The following ZMYND19 variants were observed in gnomAD, a reference collection of about 807,000 sequenced individuals.
ZMYND19 encodes zinc finger MYND domain-containing protein 19.
ZMYND19 carries 17 observed loss-of-function variants against 32.0 expected under a neutral mutation model. That is an observed-to-expected ratio of 0.53 (90% CI 0.36 to 0.80). The LOEUF is 0.80. Ranked by LOEUF, ZMYND19 falls within the 30% of genes least tolerant of loss-of-function variation. The pLI is 0.00. For missense variants in ZMYND19, 250 were observed against 293.6 expected (o/e 0.85, Z 1.09); for synonymous variants, 124 against 113.6 (o/e 1.09, Z -0.58).
chr9:137,587,564 T>G, intron 3 of ZMYND19, 153 bp downstream of exon 3: 1 of 696,416 alleles, frequency 1.4e-6, no homozygotes, highest in Non-Finnish European at 2.5e-6. Flanking sequence ...ATTCGTTCCT[T>G]TGGGTTAGTG....
rs774402833 is a variant in ZMYND19, at chr9:137,582,514, GCTGT to G, written c.*25_*28del. The G allele has an allele frequency of 6.2e-7, 1 of 1,606,834 alleles. No individual in the cohort carries two copies. The highest frequency in any genetic ancestry group is 8.5e-7 in the Non-Finnish European group (1 of 1,177,646). ...GCTGTGCCCAGGGTAGAGCCCGGGG[GCTGT>G]GAGTATGTGTGGCTCCCCTGCCCGT... On this transcript the variant is annotated 3_prime_UTR_variant, in exon 6 of 6. Coordinates refer to ENST00000298585, the MANE Select transcript of ZMYND19 (RefSeq NM_138462.3).
intron 4 of ZMYND19, among the ~76,000 whole-genome samples, chr9:137,585,165 G>A (rs909206523): frequency 5.9e-5 from 9 of 152,154 alleles, no homozygotes; most frequent in Admixed American, 2.6e-4. Flanking sequence ...GCTCACGCCT[G>A]TAATCCCAGC....
At chr9:137,586,889 C>T in intron 4 of ZMYND19, 78 bp downstream of exon 4, 1 of 1,588,180 alleles carries the variant, frequency 6.3e-7, no homozygotes, top group Non-Finnish European at 8.6e-7. Context: ...AGGAGACCCT[C>T]TTGGAAACAA....
intron 3 of ZMYND19, chr9:137,587,436 C>CG (rs3215867): frequency 1.0e-4 from 61 of 590,466 alleles, no homozygotes; most frequent in South Asian, 6.6e-4. Context: ...CCATGCACAC[C>CG]GGGGGGGCTC....
intron 3 of ZMYND19, 85 bp downstream of exon 3, chr9:137,587,632 G>T: frequency 8.3e-7 from 1 of 1,204,986 alleles, no homozygotes; most frequent in Non-Finnish European, 1.2e-6. Flanking sequence ...GCTTCAGCGG[G>T]GCAGGGGGCT....
chr9:137,582,765 C>T (rs978148147), intron 5 of ZMYND19, 79 bp from the exon 6 acceptor site: 1 of 1,559,782 alleles, frequency 6.4e-7, no homozygotes, highest in Admixed American at 1.8e-5. Context: ...TACGGACAAT[C>T]TGACGGACCC....
At position 137,587,862 on chromosome 9, in the gene ZMYND19, C is replaced by G. The variant is rs1014204764; in HGVS notation, c.112-39G>C. ...AGGGAAAGAGCTGTTAAAAAACCTC[C>G]AATTCTCAGCAACACTTCAATTCCC... On this transcript the variant is annotated intron_variant, in intron 2 of 5. Coordinates refer to ENST00000298585, the MANE Select transcript of ZMYND19 (RefSeq NM_138462.3). The G allele has an allele frequency of 2.5e-6, 4 of 1,577,156 alleles. No homozygotes were observed. The East Asian group carries it at 8.9e-5, about 35-fold the overall frequency.
chr9:137,585,109 C>T (rs1252034231), intron 4 of ZMYND19, among the ~76,000 whole-genome samples: 5 of 151,756 alleles, frequency 3.3e-5, no homozygotes, highest in East Asian at 3.9e-4. Flanking sequence ...GGTGCACACC[C>T]GTAATCCCAG....
chr9:137,590,501 A>T lies in ZMYND19; in HGVS notation c.-238T>A, dbSNP rs1019344488. On this transcript the variant is annotated 5_prime_UTR_variant, in exon 1 of 6. Transcript: ENST00000298585. This position sits in a 1 kb window ranked among gnomAD's most constrained non-coding sequence, Gnocchi z 4.2. ...CCGCCACCGCCACCGCGCGCACCAC[A>T]GCGAGCGGAGCGGAGGGGCGGGGCG... is the stretch of plus-strand genomic sequence containing the variant. 6.6e-6 allele frequency: 1 copy of T among 150,806 alleles called. No individual in the cohort carries two copies. Among genetic ancestry groups the T allele is most frequent in the Non-Finnish European group, 1.5e-5 (1 of 68,962 alleles). 9.3% of individuals were successfully genotyped at this position (150,806 alleles called of 1,614,324 possible).
intron 1 of ZMYND19, 172 bp from the exon 2 acceptor site, chr9:137,588,890 T>C: frequency 1.5e-6 from 1 of 676,000 alleles, no homozygotes; most frequent in East Asian, 2.7e-5. Flanking sequence ...TTCCACCGTT[T>C]GGGGTGGTGC....
intron 4 of ZMYND19, among the ~76,000 whole-genome samples, chr9:137,584,818 T>C (rs1423731667): frequency 6.6e-6 from 1 of 152,190 alleles, no homozygotes; most frequent in Non-Finnish European, 1.5e-5. Flanking sequence ...TGCTAGGTAG[T>C]GCCCATGCCG....
chr9:137,584,827 C>T (rs538976281), intron 4 of ZMYND19, among the ~76,000 whole-genome samples: 2 of 152,300 alleles, frequency 1.3e-5, no homozygotes, highest in South Asian at 2.1e-4. Context: ...GTGCCCATGC[C>T]GCCTCCCAGA....
chr9:137,587,661 C>A, intron 3 of ZMYND19, 56 bp downstream of exon 3: 1 of 1,528,252 alleles, frequency 6.5e-7, no homozygotes, highest in Non-Finnish European at 9.1e-7. Context: ...CCTGTGCCAT[C>A]GGAGCTCACC....
In ZMYND19 at chr9:137,588,979, C is replaced by A. The variant is rs543719451; in HGVS notation, c.52-261G>T. 18 of 490,712 alleles carry A rather than the reference C, an allele frequency of 3.7e-5. No individual in the cohort carries two copies. In the Admixed American group the frequency reaches 5.4e-4, roughly 15 times the overall value. 30.4% of individuals were successfully genotyped at this position (490,712 alleles called of 1,614,324 possible). On this transcript the variant is annotated intron_variant, in intron 1 of 5. Coordinates refer to ENST00000298585, the MANE Select transcript of ZMYND19 (RefSeq NM_138462.3). ...CTGCGCCAGAGGAGCTGGTATCAGG[C>A]TTCATCCTCGCAGGGCTAACCCCAA... is the stretch of plus-strand genomic sequence containing the variant.
rs1588972882 is a variant in ZMYND19 at position 137,584,998 on chromosome 9, G to A, written c.360-1835C>T. On this transcript the variant is annotated intron_variant, in intron 4 of 5. Transcript: ENST00000298585. ...GTTCCAACTAACATAATCCCCGAAA[G>A]AATAAAAACCCCATTCAACAATCGT... Among the ~76,000 whole-genome samples the A allele has an allele frequency of 2.0e-5, 3 of 152,254 alleles. No homozygotes were observed. In the South Asian group the frequency reaches 6.2e-4, roughly 32 times the overall value.
At position 137,590,162 on chromosome 9, in the gene ZMYND19, G is replaced by A; in HGVS notation, c.51+51C>T. 1.0e-6 allele frequency: 1 copy of A among 955,200 alleles called. No homozygotes were observed. Among genetic ancestry groups the A allele is most frequent in the Non-Finnish European group, 1.2e-6 (1 of 829,542 alleles). The allele number at this position is 955,200 out of a possible 1,614,324, so 59.2% of individuals were successfully genotyped here. On this transcript the variant is annotated intron_variant, in intron 1 of 5. Coordinates refer to ENST00000298585, the MANE Select transcript of ZMYND19 (RefSeq NM_138462.3). The surrounding 1 kb of genome is among the most constrained non-coding windows in gnomAD (Gnocchi z 4.2). ...CGCACAACCGCCCCCGGCCCCGCGC[G>A]GAGGCCTGGACGGGCGAGACGGGCC...
At chr9:137,589,933 C>G (rs1052214732) in intron 1 of ZMYND19, 6 of 985,384 alleles carry the variant, frequency 6.1e-6, no homozygotes, top group Admixed American at 1.2e-4. Flanking sequence ...CATCTCCGCA[C>G]CCGGCTCGGG....
rs878858193 is a variant in ZMYND19 at position 137,582,749 on chromosome 9, GCGTCTTA to G, written c.541-70_541-64del. 7 of 1,580,972 alleles carry G rather than the reference GCGTCTTA, an allele frequency of 4.4e-6. 1 individual carries two copies. The Admixed American group carries it at 1.0e-4, about 23-fold the overall frequency. On this transcript the variant is annotated intron_variant, in intron 5 of 5. Transcript: ENST00000298585. ...TGGGACGCAGTGTGGGGCAAAGGCT[GCGTCTTA>G]CGGACAATCTGACGGACCCAGCAAA... is the stretch of plus-strand genomic sequence containing the variant.
chr9:137,583,055 T>C lies in ZMYND19; in HGVS notation c.468A>G (p.Val156=). 1 of 1,614,206 alleles carries C rather than the reference T, an allele frequency of 6.2e-7. No homozygotes were observed. Residue 156 remains valine (V), a synonymous_variant, in exon 5 of 6, where the codon GTA becomes GTG. Coordinates refer to ENST00000298585, the MANE Select transcript of ZMYND19 (RefSeq NM_138462.3). ...VTRYYNANGD[V]VEEEENSCTY... ...TGCAAGAGTTCTCCTCCTCTTCCACTACATCCCCGTTGGCATTATAATACC... is the reference window on the plus strand; with the variant it reads ...TGCAAGAGTTCTCCTCCTCTTCCACCACATCCCCGTTGGCATTATAATACC...
Sources: gnomAD v4.1 joint callset for allele counts (sites outside exome capture counted in the v4.1 genomes callset) on GRCh38, gnomAD v4.1.1 for gene constraint, Gnocchi (gnomAD v3.1) non-coding constraint, MANE v1.5 for transcripts, NCBI Gene and HGNC (gene_info 2026-07-23, HGNC 2026-07-21) for gene names.